OLAH: variants seen among roughly 807,000 people sequenced by gnomAD.
OLAH encodes the protein S-acyl fatty acid synthase thioesterase, medium chain.
A neutral mutation model predicts 27.8 loss-of-function variants in OLAH; 33 were observed. That is an observed-to-expected ratio of 1.19 (90% confidence interval 0.90 to 1.59). OLAH has a LOEUF of 1.59. Ranked by LOEUF, OLAH falls within the 40% of genes most tolerant of loss-of-function variation. The probability of loss-of-function intolerance (pLI) is 0.00; values close to 1 mark genes in which losing one functional copy is unlikely to be tolerated. For missense variants in OLAH, 359 were observed against 310.8 expected, an observed-to-expected ratio of 1.16 and a Z score of -1.17; for synonymous variants, 120 against 102.9, an observed-to-expected ratio of 1.17 and a Z score of -1.01.
At chr10:15,062,506 T>C (rs187675287) in intron 4 of OLAH, among the ~76,000 whole-genome samples, 2 of 151,932 alleles carry the variant, frequency 1.3e-5, no homozygotes, top group Non-Finnish European at 2.9e-5. Context: ...GTTTTATATA[T>C]TTACTTGATC....
intron 1 of OLAH, among the ~76,000 whole-genome samples, chr10:15,034,070 G>A (rs1843799807): frequency 1.3e-5 from 2 of 150,852 alleles, no homozygotes; most frequent in South Asian, 2.1e-4. Context: ...GGTGGGGGAA[G>A]GAACCTCCTA....
rs537001251 is a variant in OLAH, at chr10:15,047,654, G to T, written c.32+334G>T. Among the ~76,000 whole-genome samples, 7 of 152,234 alleles carry T rather than the reference G, an allele frequency of 4.6e-5. No homozygotes were observed. The East Asian group carries it at 1.2e-3, about 25-fold the overall frequency. ...TGGGAGGTGCAGGTTGCAGTGAGAC[G>T]AGATCGCGCCACTGCACTCCAGCCT... On this transcript the variant is annotated intron_variant, in intron 2 of 7. Transcript: ENST00000378228.
At chr10:15,066,683 C>G (rs572344742) in intron 6 of OLAH, among the ~76,000 whole-genome samples, 1 of 151,656 alleles carries the variant, frequency 6.6e-6, no homozygotes, top group South Asian at 2.1e-4. Context: ...CTTTGTCGCC[C>G]AGGCTGGAGT....
chr10:15,058,387 T>C (rs1196198631), intron 3 of OLAH, among the ~76,000 whole-genome samples: 1 of 152,162 alleles, frequency 6.6e-6, no homozygotes, highest in Non-Finnish European at 1.5e-5. Flanking sequence ...GCCACTGCAC[T>C]TAGCCTTCCA....
At chr10:15,071,244 T>A (rs188040742) in intron 6 of OLAH, among the ~76,000 whole-genome samples, 4 of 152,170 alleles carry the variant, frequency 2.6e-5, no homozygotes, top group Admixed American at 2.6e-4. Flanking sequence ...CAGTTCTCCA[T>A]CCCCCTGGAC....
chr10:15,042,011 G>A (rs190501277), upstream of OLAH, among the ~76,000 whole-genome samples: 2 of 151,758 alleles, frequency 1.3e-5, no homozygotes, highest in African/African-American at 4.8e-5. Flanking sequence ...TTAAATGCTA[G>A]TGATTCTCAG....
At chr10:15,035,978 T>C (rs1319072248) in intron 1 of OLAH, among the ~76,000 whole-genome samples, 1 of 152,138 alleles carries the variant, frequency 6.6e-6, no homozygotes, top group Non-Finnish European at 1.5e-5. Context: ...GGTTTACCCA[T>C]GGCCTCCCAG....
At chr10:15,049,856 C>G in intron 3 of OLAH, 91 bp downstream of exon 3, 1 of 1,233,284 alleles carries the variant, frequency 8.1e-7, no homozygotes. Flanking sequence ...ACTTTCCTTC[C>G]TGGTAGGTAA....
intron 1 of OLAH, chr10:15,032,413 C>T (rs1042901295): frequency 4.0e-5 from 6 of 150,022 alleles, no homozygotes; most frequent in Non-Finnish European, 8.9e-5. Context: ...AGTTCTGTCC[C>T]TCTAGAGAAC....
In OLAH at chr10:15,065,696, T is replaced by C. The variant is rs780056800; in HGVS notation, c.515T>C (p.Phe172Ser). 7 of 1,614,170 alleles carry C rather than the reference T, an allele frequency of 4.3e-6. No individual in the cohort carries two copies. In the Admixed American group the frequency reaches 1.0e-4, roughly 23 times the overall value. Residue 172 changes from phenylalanine to serine, a missense_variant, in exon 6 of 8, where the codon TTT becomes TCT. Coordinates refer to ENST00000378228, the MANE Select transcript of OLAH (RefSeq NM_001039702.3). ...AAGCATTTTGCTGAAGCCAAGGAAT[T>C]TGTGAAACAATGTAGTCCCATCATA... ...TPKHFAEAKE[F>S]VKQCSPIIRA...
chr10:15,061,825 G>A lies in OLAH; in HGVS notation c.265G>A (p.Val89Ile). 1.2e-6 allele frequency: 2 copies of A among 1,614,018 alleles called. No homozygotes were observed. The highest frequency in any genetic ancestry group is 1.3e-5 in the African/African-American group (1 of 75,060). Residue 89 changes from valine (V) to isoleucine (I), a missense_variant, in exon 4 of 8, where the codon GTC (valine) becomes ATC (isoleucine). By Grantham distance (29) the Val-to-Ile change is conservative (BLOSUM62 3). Coordinates refer to ENST00000378228, the MANE Select transcript of OLAH (RefSeq NM_001039702.3). ...VDEVVCALQP[V>I]IQDKPFAFFG... ...TGAAGTTGTTTGTGCTCTGCAGCCA[G>A]TCATCCAGGATAAACCATTTGCATT...
rs1378892817 is a variant in OLAH at position 15,056,698 on chromosome 10, T to C, written c.164-5026T>C. The C allele has an allele frequency of 9.8e-6, 10 of 1,016,578 alleles. No individual in the cohort carries two copies. The East Asian group carries it at 3.3e-4, about 33-fold the overall frequency. The allele number at this position is 1,016,578 out of a possible 1,614,324, so 63.0% of individuals were successfully genotyped here. On this transcript the variant is annotated intron_variant, in intron 3 of 7. Transcript: ENST00000378228. ...CAGGCTGGAGTACAATAGCATGATCTTGGCTCATTGCAGCCTTAACTTTTC... is the reference window on the plus strand; with the variant it reads ...CAGGCTGGAGTACAATAGCATGATCCTGGCTCATTGCAGCCTTAACTTTTC...
intron 1 of OLAH, among the ~76,000 whole-genome samples, chr10:15,033,546 G>T (rs1843791394): frequency 6.6e-6 from 1 of 151,900 alleles, no homozygotes; most frequent in Non-Finnish European, 1.5e-5. Flanking sequence ...GAGAGAAGAG[G>T]TGATGTCTTA....
intron 1 of OLAH, among the ~76,000 whole-genome samples, chr10:15,045,611 C>T (rs956916594): frequency 6.6e-6 from 1 of 152,212 alleles, no homozygotes; most frequent in Admixed American, 6.6e-5. Flanking sequence ...TCTATTTAGG[C>T]ACATCTTTCT....
At chr10:15,070,160 TTC>T (rs1844554904) in intron 6 of OLAH, among the ~76,000 whole-genome samples, 1 of 151,938 alleles carries the variant, frequency 6.6e-6, no homozygotes, top group African/African-American at 2.4e-5. Flanking sequence ...TTTTTTTTTT[TTC>T]CTCTCATTGT....
At chr10:15,061,919 G>T in intron 4 of OLAH, 57 bp downstream of exon 4, 1 of 1,538,710 alleles carries the variant, frequency 6.5e-7, no homozygotes, top group Non-Finnish European at 8.9e-7. Context: ...TGAAGTTTGA[G>T]GTTAATGTTA....
At chr10:15,066,644 TA>T (rs1844474552) in intron 6 of OLAH, among the ~76,000 whole-genome samples, 6 of 145,958 alleles carry the variant, frequency 4.1e-5, no homozygotes, top group Admixed American at 4.1e-4. Context: ...TTTATTTATT[TA>T]TTTATTTATT....
chr10:15,039,963 C>T (rs1354161759), upstream of OLAH, among the ~76,000 whole-genome samples: 1 of 152,194 alleles, frequency 6.6e-6, no homozygotes, highest in Admixed American at 6.5e-5. Flanking sequence ...CCTCACAGTT[C>T]CCACAAAAGC....
intron 6 of OLAH, among the ~76,000 whole-genome samples, chr10:15,066,830 G>A (rs559136795): frequency 1.3e-5 from 2 of 151,896 alleles, no homozygotes; most frequent in Admixed American, 6.6e-5. Flanking sequence ...AGTAGAGACG[G>A]GTTTTCACCT....
Sources: gnomAD v4.1 joint callset for allele counts (sites outside exome capture counted in the v4.1 genomes callset) on GRCh38, gnomAD v4.1.1 for gene constraint, MANE v1.5 for transcripts, NCBI Gene and HGNC (gene_info 2026-07-23, HGNC 2026-07-21) for gene names.